Variants in CPEB2 observed in about 807,000 individuals in gnomAD.
The protein encoded by CPEB2 is cytoplasmic polyadenylation element binding protein 2.
A neutral mutation model predicts 93.6 loss-of-function variants in CPEB2; 56 were observed. The ratio of observed to expected loss-of-function variants is 0.60; its 90% CI spans 0.48 to 0.75. The LOEUF (loss-of-function observed/expected upper bound fraction) is 0.75, where lower values mean the gene tolerates loss of function less well. CPEB2 is among the 30% of genes least tolerant of loss of function. CPEB2 has a pLI of 0.00. For synonymous variants in CPEB2, 764 were observed against 586.3 expected (o/e 1.30, Z -4.38); for missense variants, 1,579 against 1,395.1 (o/e 1.13, Z -2.10).
rs181558852 is a variant in CPEB2 at position 15,062,182 on chromosome 4, T to C, written c.2799T>C (p.Ala933=). 9 of 1,613,028 alleles carry C rather than the reference T, an allele frequency of 5.6e-6. No homozygotes were observed. The highest frequency in any genetic ancestry group is 1.7e-5 in the Admixed American group (1 of 59,936). Residue 933 remains alanine, a synonymous_variant, in exon 11 of 12, where the codon GCT becomes GCC. Transcript: ENST00000538197. ...LKYPKGAGRV[A]FSNQQSYIAA... Reference sequence around the variant, plus strand: ...ACCCAAAAGGTGCTGGGCGAGTTGCTTTCTCCAATCAGCAGAGCTATATTG... The same window carrying C: ...ACCCAAAAGGTGCTGGGCGAGTTGCCTTCTCCAATCAGCAGAGCTATATTG...
intron 4 of CPEB2, among the ~76,000 whole-genome samples, chr4:15,031,677 A>G (rs1266451476): frequency 6.6e-6 from 1 of 152,214 alleles, no homozygotes; most frequent in Non-Finnish European, 1.5e-5. Flanking sequence ...CTGAAATCAA[A>G]ATATTCCATA....
intron 6 of CPEB2, among the ~76,000 whole-genome samples, chr4:15,042,050 AG>A (rs1216239933): frequency 6.6e-6 from 1 of 152,178 alleles, no homozygotes; most frequent in East Asian, 1.9e-4. Context: ...TCTATGGACT[AG>A]CTTATTTCAC....
intron 4 of CPEB2, among the ~76,000 whole-genome samples, chr4:15,028,664 A>G (rs1000871003): frequency 6.6e-6 from 1 of 152,044 alleles, no homozygotes; most frequent in Admixed American, 6.6e-5. Context: ...ATAGTCTGTC[A>G]TGCTATCTCT....
At chr4:15,026,776 C>T (rs1294009799) in intron 4 of CPEB2, among the ~76,000 whole-genome samples, 1 of 152,096 alleles carries the variant, frequency 6.6e-6, no homozygotes. Context: ...GTTTGTATAA[C>T]CATTCTGGTA....
rs559752781 is a variant in CPEB2, at chr4:15,004,086, C to T, written c.1413C>T (p.His471=). ...FFPSFSPVSP[H]GCTGLSVPTS... ...CTAGCTTCTCGCCCGTGTCGCCGCA[C>T]GGCTGCACTGGGCTCAGCGTTCCGA... Residue 471 remains histidine (H), a synonymous_variant, in exon 1 of 12, where the codon CAC becomes CAT. Coordinates refer to ENST00000538197, the MANE Select transcript of CPEB2 (RefSeq NM_001177382.2). 10 of 1,564,794 alleles carry T rather than the reference C, an allele frequency of 6.4e-6. No homozygotes were observed. In the African/African-American group the frequency reaches 1.4e-4, roughly 22 times the overall value.
intron 6 of CPEB2, among the ~76,000 whole-genome samples, chr4:15,049,092 T>G (rs1727985143): frequency 1.3e-5 from 2 of 152,088 alleles, no homozygotes; most frequent in East Asian, 1.9e-4. Context: ...TCTTAAACTT[T>G]TCGTTACATT....
At chr4:15,055,455 A>C (rs999305183) in intron 8 of CPEB2, among the ~76,000 whole-genome samples, 1 of 152,120 alleles carries the variant, frequency 6.6e-6, no homozygotes, top group African/African-American at 2.4e-5. Flanking sequence ...CATTTCATAA[A>C]GTTTACTTTA....
chr4:15,058,307 C>G (rs1325707790), intron 8 of CPEB2, 114 bp from the exon 9 acceptor site: 3 of 652,872 alleles, frequency 4.6e-6, no homozygotes, highest in Non-Finnish European at 8.2e-6. Flanking sequence ...GTTTTTCATC[C>G]TATTTGATAG....
chr4:15,020,027 T>G (rs1341301957), intron 4 of CPEB2, among the ~76,000 whole-genome samples: 2 of 152,102 alleles, frequency 1.3e-5, no homozygotes, highest in African/African-American at 2.4e-5. Context: ...TTTTCTAAGA[T>G]GGTACACTCA....
Position 15,062,212 on chromosome 4 carries a change from C to T in CPEB2, c.2829C>T (p.Ala943=). The change falls in exon 11 of 12, where the codon GCC becomes GCT. Residue 943 remains alanine (A), a synonymous_variant. Coordinates refer to ENST00000538197, the MANE Select transcript of CPEB2 (RefSeq NM_001177382.2). ...CCAATCAGCAGAGCTATATTGCTGC[C>T]ATTAGTGCTCGGTTTGTTCAGCTTC... ...AFSNQQSYIA[A]ISARFVQLQH... The T allele has an allele frequency of 6.2e-7, 1 of 1,612,384 alleles. No individual in the cohort carries two copies. Among genetic ancestry groups the T allele is most frequent in the Non-Finnish European group, 8.5e-7 (1 of 1,178,892 alleles).
At position 15,017,242 on chromosome 4, in the gene CPEB2, A is replaced by C; in HGVS notation, c.2089A>C (p.Ile697Leu). The C allele has an allele frequency of 6.2e-7, 1 of 1,602,462 alleles. No individual in the cohort carries two copies. The highest frequency in any genetic ancestry group is 8.5e-7 in the Non-Finnish European group (1 of 1,171,548). Residue 697 changes from isoleucine to leucine, a missense_variant, in exon 4 of 12, where the codon ATC becomes CTC. By Grantham distance (5) the Ile-to-Leu change is conservative. Transcript: ENST00000538197. ...LNMHSLENSL[I>L]DIMRAEHDPL... ...TATGCACTCTTTGGAAAATTCCCTT[A>C]TCGATATTATGAGAGCAGAGCATGA...
At chr4:15,023,579 T>A (rs897805737) in intron 4 of CPEB2, among the ~76,000 whole-genome samples, 1 of 152,030 alleles carries the variant, frequency 6.6e-6, no homozygotes, top group Non-Finnish European at 1.5e-5. Flanking sequence ...AATCTTTGCC[T>A]TCCATCCAAC....
At position 15,027,382 on chromosome 4, in the gene CPEB2, T is replaced by C. The variant is rs143348087; in HGVS notation, c.2126-5779T>C. Among the ~76,000 whole-genome samples the C allele has an allele frequency of 2.2e-3, 327 of 152,088 alleles. 1 individual carries two copies. The highest frequency in any genetic ancestry group is 7.3e-3 in the African/African-American group (301 of 41,328). On this transcript the variant is annotated intron_variant, in intron 4 of 11. Coordinates refer to ENST00000538197, the MANE Select transcript of CPEB2 (RefSeq NM_001177382.2). ...GGTAAGGAATGATTCTGTTGCTCTCTTCGGATCTGGTACTTTGGATCTAAG... is the reference window on the plus strand; with the variant it reads ...GGTAAGGAATGATTCTGTTGCTCTCCTCGGATCTGGTACTTTGGATCTAAG...
At chr4:15,052,985 G>T (rs748619936) in intron 7 of CPEB2, among the ~76,000 whole-genome samples, 74 of 151,464 alleles carry the variant, frequency 4.9e-4, no homozygotes, top group Non-Finnish European at 9.0e-4. Flanking sequence ...GCAATGCTTG[G>T]TAATCAAAAG....
rs1479960595 is a variant in CPEB2 at position 15,018,969 on chromosome 4, T to TATATAC, written c.2125+1692_2125+1693insTATACA. On this transcript the variant is annotated intron_variant, in intron 4 of 11. Coordinates refer to ENST00000538197, the MANE Select transcript of CPEB2 (RefSeq NM_001177382.2). ...ATATATATATATATATATATATATATACACACGCACACACACACGCATATA... is the reference window on the plus strand; with the variant it reads ...ATATATATATATATATATATATATATATATACACACACGCACACACACACGCATATA... Among the ~76,000 whole-genome samples, 1,059 of 138,990 alleles carry TATATAC rather than the reference T, an allele frequency of 7.6e-3. 8 individuals carry two copies. Among genetic ancestry groups the TATATAC allele is most frequent in the East Asian group, 0.016 (82 of 4,972 alleles). The allele number at this position is 138,990 out of a possible 152,430, so 91.2% of individuals were successfully genotyped here.
At chr4:15,020,833 A>T (rs535636977) in intron 4 of CPEB2, among the ~76,000 whole-genome samples, 8 of 152,256 alleles carry the variant, frequency 5.3e-5, no homozygotes, top group African/African-American at 1.9e-4. Flanking sequence ...CAATATACGT[A>T]TATCTACTGT....
At position 15,003,746 on chromosome 4, in the gene CPEB2, G is replaced by GCGGGGGGCCC; in HGVS notation, c.1075_1084dup (p.Pro362ArgfsTer106). On this transcript the variant is annotated frameshift_variant, in exon 1 of 12. Transcript: ENST00000538197. LOFTEE classifies it high-confidence loss of function. ...CCGGGCGGCGGCGGCGGCGGCGGGG[G>GCGGGGGGCCC]CGGGGGGCCCCCAGGAGGCGGAGGG... 1 of 1,275,468 alleles carries GCGGGGGGCCC rather than the reference G, an allele frequency of 7.8e-7. No homozygotes were observed. Among genetic ancestry groups the GCGGGGGGCCC allele is most frequent in the Non-Finnish European group, 9.8e-7 (1 of 1,017,140 alleles). The allele number at this position is 1,275,468 out of a possible 1,614,324, so 79.0% of individuals were successfully genotyped here. A position where few individuals can be genotyped will look rare whatever the true frequency, so the allele number is the denominator to read the frequency against.
chr4:15,029,295 TGAATG>T (rs1037482054), intron 4 of CPEB2, among the ~76,000 whole-genome samples: 2 of 152,036 alleles, frequency 1.3e-5, no homozygotes, highest in Non-Finnish European at 2.9e-5. Context: ...TTGAATCCCA[TGAATG>T]CAGAAGCCCC....
At chr4:15,045,625 TAAAC>T (rs1727595611) in intron 6 of CPEB2, among the ~76,000 whole-genome samples, 1 of 152,152 alleles carries the variant, frequency 6.6e-6, no homozygotes, top group Admixed American at 6.5e-5. Flanking sequence ...TCTGCCACCT[TAAAC>T]AATGCAAAAC....
Sources: allele counts gnomAD v4.1 joint callset (sites outside exome capture counted in the v4.1 genomes callset), GRCh38; gene constraint gnomAD v4.1.1; transcripts MANE v1.5; gene names NCBI Gene and HGNC (gene_info 2026-07-23, HGNC 2026-07-21).